The following TRPM5 variants were observed in gnomAD, a reference collection of about 807,000 sequenced individuals.
TRPM5 encodes transient receptor potential cation channel subfamily M member 5.
TRPM5 carries 121 observed loss-of-function variants against 124.9 expected under a neutral mutation model. That is an observed-to-expected ratio of 0.97 (90% CI 0.84 to 1.13). The LOEUF (loss-of-function observed/expected upper bound fraction) is 1.13. Among genes scored for constraint, TRPM5 ranks in the 50% most tolerant of loss-of-function variants. The pLI is 0.00. For missense variants in TRPM5, 1,643 were observed against 1,589.1 expected (o/e 1.03, Z -0.58); for synonymous variants, 781 against 700.5 (o/e 1.11, Z -1.81).
At chr11:2,444,390 C>A in the TRPM5 span, among the ~76,000 whole-genome samples, 1 of 151,872 alleles carries the variant, frequency 6.6e-6, no homozygotes, top group Non-Finnish European at 1.5e-5. Flanking sequence ...CCTCCTGCCC[C>A]CGCTGTGCCG....
At chr11:2,411,587 G>A (rs1850452258) in intron 17 of TRPM5, 48 bp downstream of exon 22, 1 of 1,609,910 alleles carries the variant, frequency 6.2e-7, no homozygotes, top group Non-Finnish European at 8.5e-7. Flanking sequence ...GCCCAGGCAG[G>A]GGATTGCTGT....
chr11:2,412,242 T>C, exon 16 of TRPM5: 1 of 1,613,244 alleles, frequency 6.2e-7, no homozygotes, highest in Non-Finnish European at 8.5e-7. Flanking sequence ...TGTCCTCGTC[T>C]GTGAAGAAGC....
At chr11:2,409,966 C>G (rs1210931995) in intron 18 of TRPM5, among the ~76,000 whole-genome samples, 1 of 152,210 alleles carries the variant, frequency 6.6e-6, no homozygotes, top group Non-Finnish European at 1.5e-5. Flanking sequence ...ACTGGCCCAC[C>G]AGAGATGCAG....
At chr11:2,418,640 C>A (rs1345679849) in intron 4 of TRPM5, 49 bp from the exon 10 acceptor site, 2 of 1,561,382 alleles carry the variant, frequency 1.3e-6, no homozygotes, top group Non-Finnish European at 1.7e-6. Flanking sequence ...CCTGGGGTGA[C>A]CACCCGGATC....
Position 2,407,310 on chromosome 11 carries a change from C to T in TRPM5, c.2937-10G>A, listed in dbSNP as rs1191678318. 1 of 1,602,894 alleles carries T rather than the reference C, an allele frequency of 6.2e-7. No homozygotes were observed. On this transcript the variant is annotated splice_polypyrimidine_tract_variant and intron_variant, in intron 19 of 23. Coordinates refer to ENST00000155858, the Ensembl canonical transcript of TRPM5. ...CACCTGGAACGTGTAGCTGCAGGGG[C>T]ACAGCTGAGCCGTCACCTACCGGCT...
chr11:2,405,882 G>T, intron 22 of TRPM5, 137 bp downstream of exon 27: 1 of 815,318 alleles, frequency 1.2e-6, no homozygotes, highest in East Asian at 2.6e-5. Context: ...ACGCTCCTCT[G>T]CCCACTGGGG....
chr11:2,410,258 C>A (rs1364379706), intron 18 of TRPM5, among the ~76,000 whole-genome samples: 1 of 152,224 alleles, frequency 6.6e-6, no homozygotes, highest in Non-Finnish European at 1.5e-5. Flanking sequence ...GGCGTCGCCC[C>A]CGCCTGTCCC....
intron 18 of TRPM5, among the ~76,000 whole-genome samples, chr11:2,408,946 GCACA>G (rs1850384071): frequency 6.6e-6 from 1 of 152,252 alleles, no homozygotes; most frequent in South Asian, 2.1e-4. Flanking sequence ...GAGCACACTG[GCACA>G]CACGGGCACA....
chr11:2,441,730 C>T, the TRPM5 span, among the ~76,000 whole-genome samples: 2 of 152,072 alleles, frequency 1.3e-5, no homozygotes, highest in Non-Finnish European at 2.9e-5. This position sits in a 1 kb window ranked among gnomAD's most constrained non-coding sequence, Gnocchi z 7.2. Flanking sequence ...GCTCTTGTCA[C>T]CCAGGCTGGA....
the TRPM5 span, among the ~76,000 whole-genome samples, chr11:2,443,749 C>T: frequency 2.2e-4 from 34 of 152,254 alleles, no homozygotes; most frequent in East Asian, 2.1e-3. The surrounding 1 kb of genome is among the most constrained non-coding windows in gnomAD (Gnocchi z 5.0). Context: ...CCGCTGAGCT[C>T]CACCTTTAGT....
At chr11:2,415,921 C>G in exon 8 of TRPM5, 3 of 1,575,888 alleles carry the variant, frequency 1.9e-6, no homozygotes, top group East Asian at 2.3e-5. Flanking sequence ...ACTCCACGTC[C>G]CCATTGAAGA....
intron 18 of TRPM5, among the ~76,000 whole-genome samples, chr11:2,409,436 G>A (rs1438301862): frequency 2.0e-5 from 3 of 152,298 alleles, no homozygotes; most frequent in South Asian, 2.1e-4. Flanking sequence ...CACCAGGCCG[G>A]GCTGGAAATT....
the TRPM5 span, among the ~76,000 whole-genome samples, chr11:2,429,875 C>T: frequency 6.6e-6 from 1 of 152,038 alleles, no homozygotes; most frequent in African/African-American, 2.4e-5. This position sits in a 1 kb window ranked among gnomAD's most constrained non-coding sequence, Gnocchi z 8.4. Context: ...TTCCTCCATG[C>T]TGTTCTCATG....
chr11:2,410,980 C>G (rs538024352), intron 18 of TRPM5, among the ~76,000 whole-genome samples: 64 of 152,246 alleles, frequency 4.2e-4, no homozygotes, highest in African/African-American at 1.4e-3. Context: ...TGGGCCCACT[C>G]TGTGCCCTTA....
chr11:2,421,985 G>A (rs1225444862), intron 2 of TRPM5, among the ~76,000 whole-genome samples, 156 bp downstream of exon 7: 1 of 151,578 alleles, frequency 6.6e-6, no homozygotes, highest in East Asian at 1.9e-4. Flanking sequence ...GCTGCCGTGT[G>A]GGGTGGGAGC....
rs775536118 is a variant in TRPM5 at position 2,411,640 on chromosome 11, G to A, written c.2602C>T (p.Arg868Cys). Residue 868 changes from arginine to cysteine, a missense_variant, in exon 17 of 24, where the codon CGC (arginine) becomes TGC (cysteine). Physicochemically the swap from Arg to Cys is radical, Grantham distance 180. Coordinates refer to ENST00000155858, the Ensembl canonical transcript of TRPM5. ...CAGGGCCCCCGGGGGCTCACCATGC[G>A]CTCTACCACGATGATCTTGGGGCCC... 2.0e-5 allele frequency: 33 copies of A among 1,612,488 alleles called. No homozygotes were observed. Among genetic ancestry groups the A allele is most frequent in the South Asian group, 7.7e-5 (7 of 91,070 alleles).
At chr11:2,406,943 C>T (rs550827776) in intron 20 of TRPM5, 150 bp from the exon 26 acceptor site, 14 of 1,360,344 alleles carry the variant, frequency 1.0e-5, no homozygotes, top group African/African-American at 2.9e-5. Flanking sequence ...TGTGCAAGGA[C>T]GGCCAAGCTG....
intron 14 of TRPM5, 58 bp from the exon 20 acceptor site, chr11:2,413,070 G>A: frequency 1.9e-6 from 3 of 1,546,978 alleles, no homozygotes; most frequent in Non-Finnish European, 2.6e-6. Flanking sequence ...TGCCCCACCA[G>A]AGTCCAGCCT....
chr11:2,419,289 G>C (rs1210922647), intron 4 of TRPM5, among the ~76,000 whole-genome samples: 3 of 152,172 alleles, frequency 2.0e-5, no homozygotes, highest in African/African-American at 7.2e-5. Flanking sequence ...AGAGTTTGAC[G>C]AGACTTTGTG....
Sources: gnomAD v4.1 joint callset for allele counts (sites outside exome capture counted in the v4.1 genomes callset) on GRCh38, gnomAD v4.1.1 for gene constraint, Gnocchi (gnomAD v3.1) non-coding constraint, MANE v1.5 for transcripts, NCBI Gene and HGNC (gene_info 2026-07-23, HGNC 2026-07-21) for gene names.